The following NMBR variants were observed in gnomAD, a reference collection of about 807,000 sequenced individuals.
The protein encoded by NMBR is neuromedin-B receptor.
In NMBR, 16 loss-of-function variants were observed where a neutral mutation model predicts 20.5. The observed-to-expected ratio is 0.78, with a 90% CI of 0.53 to 1.19. NMBR has a LOEUF of 1.19. Among genes scored for constraint, NMBR ranks in the 50% most tolerant of loss-of-function variants. The probability of loss-of-function intolerance (pLI) is 0.00; values close to 1 mark genes in which losing one functional copy is unlikely to be tolerated. For missense variants in NMBR, 582 were observed against 499.1 expected (o/e 1.17, Z -1.58); for synonymous variants, 212 against 196.6 (o/e 1.08, Z -0.65).
intron 1 of NMBR, among the ~76,000 whole-genome samples, chr6:142,146,222 T>C (rs376085162): frequency 1.2e-4 from 18 of 152,138 alleles, no homozygotes; most frequent in Non-Finnish European, 2.6e-4. Context: ...TGGGATAATA[T>C]GAGGACATGG....
At chr6:142,124,081 C>T (rs1353843984) in intron 1 of NMBR, among the ~76,000 whole-genome samples, 1 of 151,778 alleles carries the variant, frequency 6.6e-6, no homozygotes, top group African/African-American at 2.4e-5. Context: ...AAATTGGAGT[C>T]CCTGAAGACA....
intron 1 of NMBR, among the ~76,000 whole-genome samples, chr6:142,108,518 T>A (rs1041445361): frequency 6.6e-6 from 1 of 152,014 alleles, no homozygotes; most frequent in African/African-American, 2.4e-5. Context: ...AGCAAACACA[T>A]CCTTCTTCAC....
intron 3 of NMBR, among the ~76,000 whole-genome samples, chr6:142,077,377 A>C (rs1205723088): frequency 2.0e-5 from 3 of 152,364 alleles, no homozygotes; most frequent in African/African-American, 2.4e-5. Flanking sequence ...AACCAAAAGC[A>C]AATACTCAAA....
At chr6:142,139,497 T>C (rs1219245401) in intron 1 of NMBR, among the ~76,000 whole-genome samples, 1 of 152,218 alleles carries the variant, frequency 6.6e-6, no homozygotes, top group Non-Finnish European at 1.5e-5. Context: ...TTTGCAGATC[T>C]CTGGAGCTCT....
At position 142,147,089 on chromosome 6, in the gene NMBR, T is replaced by C; in HGVS notation, c.-709A>G. 1.7e-6 allele frequency: 1 copy of C among 578,710 alleles called. No homozygotes were observed. The highest frequency in any genetic ancestry group is 3.1e-6 in the Non-Finnish European group (1 of 323,736). The allele number at this position is 578,710 out of a possible 1,614,324, so 35.8% of individuals were successfully genotyped here. Reference sequence around the variant, plus strand: ...ATGCGCGGCATAAGCGCCAAAATGCTCGGGTCTTCTGTGGGTTCTAACCGC... The same window carrying C: ...ATGCGCGGCATAAGCGCCAAAATGCCCGGGTCTTCTGTGGGTTCTAACCGC... On this transcript the variant is annotated 5_prime_UTR_variant, in exon 1 of 4. Transcript: ENST00000258042.
rs542445940 is a variant in NMBR, at chr6:142,077,603, T to C, written c.771+952A>G. Among the ~76,000 whole-genome samples the C allele has an allele frequency of 1.2e-3, 187 of 152,358 alleles. 1 individual carries two copies. Among genetic ancestry groups the C allele is most frequent in the Admixed American group, 2.4e-3 (36 of 15,308 alleles). ...AGCCGATGTGGATCTTTGATGTTGATGGCCACCAATTCATAAAGGTTACCT... is the reference window on the plus strand; with the variant it reads ...AGCCGATGTGGATCTTTGATGTTGACGGCCACCAATTCATAAAGGTTACCT... On this transcript the variant is annotated intron_variant, in intron 3 of 3. Transcript: ENST00000258042.
chr6:142,104,622 T>A (rs9496275), intron 1 of NMBR, among the ~76,000 whole-genome samples: 32 of 152,304 alleles, frequency 2.1e-4, no homozygotes, highest in African/African-American at 7.5e-4. Context: ...AAAAGATTTT[T>A]AAAAATAAAA....
At chr6:142,103,819 C>T (rs1013483488) in intron 1 of NMBR, among the ~76,000 whole-genome samples, 25 of 152,096 alleles carry the variant, frequency 1.6e-4, no homozygotes, top group Non-Finnish European at 3.2e-4. Context: ...TTTTGCCCTG[C>T]TTGGGTTAGC....
In NMBR at chr6:142,112,558, A is replaced by G. The variant is rs1292964007; in HGVS notation, c.-663-23237T>C. On this transcript the variant is annotated intron_variant, in intron 1 of 3. Coordinates refer to ENST00000258042, the MANE Select transcript of NMBR (RefSeq NM_002511.4). ...GAGACAGTACAATCAGCCTGCCTTT[A>G]CTCCCAACATCCTTATTTCTAAACT... 5.3e-5 allele frequency among the ~76,000 whole-genome samples: 8 copies of G among 152,140 alleles called. No homozygotes were observed. In the East Asian group the frequency reaches 1.5e-3, roughly 29 times the overall value.
chr6:142,090,068 T>C (rs1777293532), intron 1 of NMBR, among the ~76,000 whole-genome samples: 1 of 152,206 alleles, frequency 6.6e-6, no homozygotes, highest in Admixed American at 6.5e-5. Flanking sequence ...CTCGTAGATA[T>C]ATATTCAATA....
chr6:142,143,535 C>T (rs560453334), intron 1 of NMBR, among the ~76,000 whole-genome samples: 7 of 152,322 alleles, frequency 4.6e-5, no homozygotes, highest in South Asian at 2.1e-4. Context: ...CCACTCTCCT[C>T]GGCTTCCCAA....
At chr6:142,138,262 C>A (rs1307889004) in intron 1 of NMBR, among the ~76,000 whole-genome samples, 2 of 152,054 alleles carry the variant, frequency 1.3e-5, no homozygotes, top group Non-Finnish European at 2.9e-5. Flanking sequence ...TCCATTTTTC[C>A]TCAAGCTTTA....
rs956079014 is a variant in NMBR, at chr6:142,074,917, C to A, written c.*731G>T. On this transcript the variant is annotated 3_prime_UTR_variant, in exon 4 of 4. Transcript: ENST00000258042. ...TTCATATCATATCTATTTTATAATTCATAATATTAATTTCATTATATCTGT... is the reference window on the plus strand; with the variant it reads ...TTCATATCATATCTATTTTATAATTAATAATATTAATTTCATTATATCTGT... Among the ~76,000 whole-genome samples, 60 of 151,662 alleles carry A rather than the reference C, an allele frequency of 4.0e-4. No homozygotes were observed. The highest frequency in any genetic ancestry group is 1.6e-4 in the Non-Finnish European group (11 of 67,914).
chr6:142,075,493 A>G lies in NMBR; in HGVS notation c.*155T>C. ...TTATTAGGAAATGAAAAGAGAAAAAATAAAGTCTAGTGTAGAGAAAAAATG... is the reference window on the plus strand; with the variant it reads ...TTATTAGGAAATGAAAAGAGAAAAAGTAAAGTCTAGTGTAGAGAAAAAATG... On this transcript the variant is annotated 3_prime_UTR_variant, in exon 4 of 4. Transcript: ENST00000258042. 3.3e-6 allele frequency: 2 copies of G among 605,102 alleles called. No homozygotes were observed. The highest frequency in any genetic ancestry group is 1.9e-5 in the African/African-American group (1 of 53,610). The allele number at this position is 605,102 out of a possible 1,614,324, so 37.5% of individuals were successfully genotyped here.
intron 1 of NMBR, among the ~76,000 whole-genome samples, chr6:142,114,594 A>G (rs2842758): frequency 0.35 from 53,949 of 151,986 alleles, 10,786 homozygotes; most frequent in Middle Eastern, 0.52. Context: ...ATGTGGTACC[A>G]TTAACATTTA....
intron 1 of NMBR, among the ~76,000 whole-genome samples, chr6:142,090,016 A>G (rs1050831341): frequency 1.3e-5 from 2 of 152,120 alleles, no homozygotes; most frequent in African/African-American, 4.8e-5. Flanking sequence ...AATTCTATCT[A>G]TTAAGGCAGA....
intron 1 of NMBR, among the ~76,000 whole-genome samples, chr6:142,119,799 T>C (rs1777913853): frequency 6.6e-6 from 1 of 151,956 alleles, no homozygotes; most frequent in African/African-American, 2.4e-5. Context: ...TCTTTCGTTT[T>C]AAGAATTTTA....
At chr6:142,099,210 G>A (rs1238700352) in intron 1 of NMBR, among the ~76,000 whole-genome samples, 4 of 152,124 alleles carry the variant, frequency 2.6e-5, no homozygotes, top group Non-Finnish European at 5.9e-5. Context: ...AAAATTCCTG[G>A]AAGATCACAT....
At chr6:142,095,357 C>G (rs946107968) in intron 1 of NMBR, among the ~76,000 whole-genome samples, 10 of 152,152 alleles carry the variant, frequency 6.6e-5, no homozygotes, top group African/African-American at 2.4e-4. Flanking sequence ...GAGATTTTAG[C>G]ATGAAGTGTT....
Sources: gnomAD v4.1 joint callset for allele counts (sites outside exome capture counted in the v4.1 genomes callset) on GRCh38, gnomAD v4.1.1 for gene constraint, MANE v1.5 for transcripts, NCBI Gene and HGNC (gene_info 2026-07-23, HGNC 2026-07-21) for gene names.